Variants in ZNF91 observed in about 807,000 individuals in gnomAD.
ZNF91 encodes the protein zinc finger protein 91 (HPF7, HTF10).
ZNF91 carries 7 observed loss-of-function variants against 12.6 expected under a neutral mutation model. The observed-to-expected ratio is 0.55, with a 90% confidence interval of 0.31 to 1.04. The LOEUF is 1.04. Ranked by LOEUF, ZNF91 falls within the 50% of genes least tolerant of loss-of-function variation. The probability of loss-of-function intolerance (pLI) is 0.05; values close to 1 mark genes in which losing one functional copy is unlikely to be tolerated. For missense variants in ZNF91, 1,217 were observed against 1,385.4 expected, an observed-to-expected ratio of 0.88 and a Z score of 1.93; for synonymous variants, 453 against 462.6, an observed-to-expected ratio of 0.98 and a Z score of 0.27.
chr19:23,368,826 T>C (rs1442393914), intron 3 of ZNF91, among the ~76,000 whole-genome samples: 1 of 151,708 alleles, frequency 6.6e-6, no homozygotes, highest in Non-Finnish European at 1.5e-5. Context: ...AATAACTTTA[T>C]TTAGAAATAA....
At chr19:23,354,188 C>T (rs933627666), downstream of ZNF91, among the ~76,000 whole-genome samples, 1 of 152,084 alleles carries the variant, frequency 6.6e-6, no homozygotes, top group African/African-American at 2.4e-5. Context: ...ATGCTAATAT[C>T]CTTAACAAAA....
chr19:23,374,426 G>C (rs1240385637), intron 2 of ZNF91, among the ~76,000 whole-genome samples: 1 of 150,004 alleles, frequency 6.7e-6, no homozygotes, highest in Admixed American at 6.7e-5. Flanking sequence ...CGGGCATGGT[G>C]GTGGGCGCCT....
intron 3 of ZNF91, among the ~76,000 whole-genome samples, chr19:23,370,296 G>A (rs183672868): frequency 2.0e-3 from 305 of 151,856 alleles, no homozygotes; most frequent in South Asian, 0.017. Flanking sequence ...AACTAGTAAC[G>A]AAACGATAAA....
chr19:23,340,232 G>A (rs1271526518), intron 3 of ZNF91: 1 of 152,022 alleles, frequency 6.6e-6, no homozygotes, highest in Admixed American at 6.6e-5. Context: ...CAATAAAAAT[G>A]ACCAACAGAA....
intron 3 of ZNF91, among the ~76,000 whole-genome samples, chr19:23,373,381 TATATAA>T (rs1402846282): frequency 0.063 from 4,719 of 74,948 alleles, 170 homozygotes; most frequent in Non-Finnish European, 0.09. Flanking sequence ...TATATATATA[TATATAA>T]ATAAACAGTA....
chr19:23,308,198 TG>T (rs1393084670), intron 2 of ZNF91: 1 of 152,188 alleles, frequency 6.6e-6, no homozygotes, highest in African/African-American at 2.4e-5. Flanking sequence ...GGCTTCAGTC[TG>T]GACCCTGCCC....
At chr19:23,322,163 C>T (rs192661777) in intron 1 of ZNF91, among the ~76,000 whole-genome samples, 7 of 152,278 alleles carry the variant, frequency 4.6e-5, no homozygotes, top group South Asian at 2.1e-4. Context: ...CCCTAGGTTA[C>T]GTAACTTTCC....
intron 3 of ZNF91, among the ~76,000 whole-genome samples, chr19:23,364,823 G>A (rs1197961888): frequency 6.6e-6 from 1 of 151,916 alleles, no homozygotes; most frequent in Non-Finnish European, 1.5e-5. Flanking sequence ...TATTTATACA[G>A]GCAAACAAAC....
intron 1 of ZNF91, among the ~76,000 whole-genome samples, chr19:23,391,370 AT>A (rs1970061946): frequency 6.6e-6 from 1 of 152,112 alleles, no homozygotes; most frequent in Non-Finnish European, 1.5e-5. Context: ...ATACAACCCC[AT>A]TTTATGTTTA....
intron 1 of ZNF91, chr19:23,324,504 C>T (rs1276910464): frequency 2.0e-5 from 2 of 99,138 alleles, no homozygotes; most frequent in African/African-American, 8.0e-5. Flanking sequence ...TCCGGCCTAA[C>T]TCAGGCGGCC....
chr19:23,384,689 G>T, intron 1 of ZNF91: 1 of 585,836 alleles, frequency 1.7e-6, no homozygotes, highest in South Asian at 2.0e-5. Flanking sequence ...GACGTCTTTG[G>T]AGATATTTCC....
At chr19:23,321,217 T>G (rs1967687268) in intron 1 of ZNF91, among the ~76,000 whole-genome samples, 1 of 152,146 alleles carries the variant, frequency 6.6e-6, no homozygotes, top group Admixed American at 6.5e-5. Context: ...ACAAGTAGAA[T>G]GGTGATATAC....
chr19:23,388,708 C>T (rs1969959965), intron 1 of ZNF91, among the ~76,000 whole-genome samples: 1 of 152,040 alleles, frequency 6.6e-6, no homozygotes, highest in Non-Finnish European at 1.5e-5. Context: ...GCCATCTCTA[C>T]TAAAAAATAC....
chr19:23,320,864 T>C (rs896499911), intron 1 of ZNF91, among the ~76,000 whole-genome samples: 4 of 152,212 alleles, frequency 2.6e-5, no homozygotes, highest in African/African-American at 9.6e-5. Context: ...GAATCTTATA[T>C]CTAGAGGCAG....
chr19:23,312,231 T>C (rs893061287), upstream of ZNF91, among the ~76,000 whole-genome samples: 1 of 152,150 alleles, frequency 6.6e-6, no homozygotes, highest in Non-Finnish European at 1.5e-5. Context: ...AGCACCCAGA[T>C]GGTGTGATTC....
Position 23,362,245 on chromosome 19 carries a change from T to G in ZNF91, c.734A>C (p.Lys245Thr), listed in dbSNP as rs368958378. The stretch of plus-strand genomic sequence containing the variant: ...AAGGGTTGAGAGCTGCTTAAAAGCT[T>G]TGCCACATTCTTCACATTTGTAGGG... ...DKPYKCEECG[K>T]AFKQLSTLTT... The change falls in exon 4 of 4, where the codon AAA becomes ACA. Residue 245 changes from lysine (K) to threonine (T), a missense_variant. Physicochemically the swap from Lys to Thr is moderately conservative, Grantham distance 78. Around this residue, in one of 2 missense-constraint regions of ZNF91, gnomAD observed 726 missense variants for 895.5 expected, o/e 0.81. Coordinates refer to ENST00000300619, the MANE Select transcript of ZNF91 (RefSeq NM_003430.4). The G allele has an allele frequency of 6.2e-7, 1 of 1,614,004 alleles. No individual in the cohort carries two copies. Among genetic ancestry groups the G allele is most frequent in the Admixed American group, 1.7e-5 (1 of 60,014 alleles).
rs562534357 is a variant in ZNF91 at position 23,342,092 on chromosome 19, C to T, written c.254-3038G>A. On this transcript the variant is annotated intron_variant, in intron 3 of 3. Coordinates refer to the ZNF91 transcript ENST00000599743. ...TTCCATGGAAGCAGAGCATTCTATA[C>T]CACATTTTAAGGTCTGAAATTCTTT... 66 of 355,734 alleles carry T rather than the reference C, an allele frequency of 1.9e-4. 1 individual carries two copies. The South Asian group carries it at 6.9e-3, about 37-fold the overall frequency. 22.0% of individuals were successfully genotyped at this position (355,734 alleles called of 1,614,324 possible). A position where few individuals can be genotyped will look rare whatever the true frequency, so the allele number is the denominator to read the frequency against.
chr19:23,327,835 C>T (rs924596541), intron 1 of ZNF91: 3 of 152,126 alleles, frequency 2.0e-5, no homozygotes, highest in African/African-American at 4.8e-5. Context: ...AAATATTCTA[C>T]GTCAAAGTTT....
intron 3 of ZNF91, among the ~76,000 whole-genome samples, chr19:23,363,460 GTAAACACTCTTAATTAAGACA>G (rs1264042371): frequency 6.6e-6 from 1 of 152,154 alleles, no homozygotes; most frequent in Non-Finnish European, 1.5e-5. Flanking sequence ...AGTAACATAA[GTAAACACTCTTAATTAAGACA>G]TAAACACAAA....
Sources: gnomAD v4.1 joint callset for allele counts (sites outside exome capture counted in the v4.1 genomes callset) on GRCh38, gnomAD v4.1.1 for gene constraint, gnomAD v4.1.1 regional missense constraint, MANE v1.5 for transcripts, NCBI Gene and HGNC (gene_info 2026-07-23, HGNC 2026-07-21) for gene names.